TENM4: variants seen among roughly 807,000 people sequenced by gnomAD.
The protein encoded by TENM4 is teneurin-4.
TENM4 carries 82 observed loss-of-function variants against 243.3 expected under a neutral mutation model. The ratio of observed to expected loss-of-function variants is 0.34; its 90% CI spans 0.28 to 0.40. The LOEUF (loss-of-function observed/expected upper bound fraction) is 0.40, where lower values mean the gene tolerates loss of function less well. Among genes scored for constraint, TENM4 ranks in the 10% least tolerant of loss-of-function variants. TENM4 has a pLI of 1.00. For missense variants in TENM4, 3,138 were observed against 3,673.3 expected (o/e 0.85, Z 3.77); for synonymous variants, 1,412 against 1,456.3 (o/e 0.97, Z 0.69).
chr11:79,402,208 T>C (rs1239715094), intron 1 of TENM4: 6 of 198,386 alleles, frequency 3.0e-5, no homozygotes, highest in Middle Eastern at 5.1e-4. Flanking sequence ...TAGGACCTTA[T>C]TGGGGAAAAA....
chr11:79,280,782 T>C (rs371341049), intron 2 of TENM4, among the ~76,000 whole-genome samples: 5 of 152,336 alleles, frequency 3.3e-5, no homozygotes, highest in African/African-American at 1.2e-4. Flanking sequence ...GATGCTGGTC[T>C]ACCTTTCAGC....
intron 1 of TENM4, among the ~76,000 whole-genome samples, chr11:79,429,091 A>C (rs890461587): frequency 6.6e-6 from 1 of 152,188 alleles, no homozygotes; most frequent in Non-Finnish European, 1.5e-5. Flanking sequence ...CAGCTCAGAG[A>C]AACAGGTGTA....
At position 78,756,925 on chromosome 11, in the gene TENM4, A is replaced by C; in HGVS notation, c.2636T>G (p.Ile879Ser). The C allele has an allele frequency of 1.2e-6, 2 of 1,613,880 alleles. No homozygotes were observed. Among genetic ancestry groups the C allele is most frequent in the Non-Finnish European group, 1.7e-6 (2 of 1,179,874 alleles). ...CLGSPNPLDI[I>S]QETQVPVSQQ... The stretch of plus-strand genomic sequence containing the variant: ...TGACACAGGGACCTGTGTCTCCTGG[A>C]TGATGTCCAGAGGGTTAGGGGAGCC... The change falls in exon 19 of 34, where the codon ATC becomes AGC. Residue 879 changes from isoleucine to serine, a missense_variant. By Grantham distance (142) the Ile-to-Ser change is moderately radical. Around this residue, in one of 2 missense-constraint regions of TENM4, gnomAD observed 2,467 missense variants for 3,059.1 expected, o/e 0.81. Coordinates refer to ENST00000278550, the MANE Select transcript of TENM4 (RefSeq NM_001098816.3).
chr11:78,851,153 C>T (rs541170121), intron 12 of TENM4, among the ~76,000 whole-genome samples: 1 of 152,326 alleles, frequency 6.6e-6, no homozygotes, highest in East Asian at 1.9e-4. Flanking sequence ...TGGTCCACAG[C>T]AGCTTCAGTA....
chr11:79,274,115 A>G (rs1856013956), intron 2 of TENM4, among the ~76,000 whole-genome samples: 1 of 152,216 alleles, frequency 6.6e-6, no homozygotes, highest in Admixed American at 6.5e-5. Context: ...GTGGAGCAGG[A>G]GGATGTTAGG....
chr11:79,115,994 C>A (rs1861611296), intron 4 of TENM4, among the ~76,000 whole-genome samples: 1 of 152,214 alleles, frequency 6.6e-6, no homozygotes, highest in Non-Finnish European at 1.5e-5. Flanking sequence ...AGGACAATAA[C>A]TTGGCCCTTT....
chr11:78,738,640 C>A, intron 19 of TENM4, 70 bp from the exon 20 acceptor site: 1 of 1,531,290 alleles, frequency 6.5e-7, no homozygotes. Flanking sequence ...GCAGGGAACC[C>A]CGAGAGGCCA....
intron 1 of TENM4, among the ~76,000 whole-genome samples, chr11:79,329,603 T>A (rs76295841): frequency 0.012 from 1,766 of 152,212 alleles, 40 homozygotes; most frequent in African/African-American, 0.041. Flanking sequence ...TGGTCGAGGA[T>A]CGAGATAACT....
At chr11:79,039,923 T>G (rs1859475636) in intron 6 of TENM4, among the ~76,000 whole-genome samples, 1 of 152,192 alleles carries the variant, frequency 6.6e-6, no homozygotes, top group South Asian at 2.1e-4. Context: ...TTGCTAATGC[T>G]AGCTTATATT....
chr11:79,198,143 G>A (rs921421740), intron 3 of TENM4, among the ~76,000 whole-genome samples: 2 of 152,210 alleles, frequency 1.3e-5, no homozygotes, highest in Non-Finnish European at 2.9e-5. Flanking sequence ...TGATGAGGAT[G>A]ATAATTATTG....
chr11:79,027,544 G>A (rs180959736), intron 6 of TENM4, among the ~76,000 whole-genome samples: 2 of 152,214 alleles, frequency 1.3e-5, no homozygotes, highest in Non-Finnish European at 2.9e-5. Context: ...ATTCTCAGCT[G>A]CATCCTTAGT....
chr11:78,670,625 T>A, intron 31 of TENM4, 74 bp from the exon 32 acceptor site: 2 of 1,394,892 alleles, frequency 1.4e-6, no homozygotes, highest in Non-Finnish European at 2.0e-6. Flanking sequence ...ACCCGAGACT[T>A]AAAGGGACGG....
intron 6 of TENM4, among the ~76,000 whole-genome samples, chr11:79,022,321 G>A (rs1170253383): frequency 6.6e-6 from 1 of 152,182 alleles, no homozygotes; most frequent in Non-Finnish European, 1.5e-5. Context: ...ATGTGAATCT[G>A]TTTTTCATTC....
intron 1 of TENM4, among the ~76,000 whole-genome samples, chr11:79,390,794 A>G (rs942058128): frequency 1.3e-5 from 2 of 152,192 alleles, no homozygotes; most frequent in African/African-American, 4.8e-5. Flanking sequence ...CCTGCCCCAC[A>G]TGTCCTCCAC....
rs1201949515 is a variant in TENM4, at chr11:79,120,483, C to A, written c.-66+28227G>T. Among the ~76,000 whole-genome samples, 3 of 152,200 alleles carry A rather than the reference C, an allele frequency of 2.0e-5. No homozygotes were observed. In the South Asian group the frequency reaches 6.2e-4, roughly 32 times the overall value. On this transcript the variant is annotated intron_variant, in intron 4 of 33. Coordinates refer to ENST00000278550, the MANE Select transcript of TENM4 (RefSeq NM_001098816.3). ...TGGAAGGAACAACAATAATCAAAAT[C>A]AGACGTTTCTAACTAGGGACACATT...
At chr11:78,740,668 T>A (rs1455403786) in intron 19 of TENM4, among the ~76,000 whole-genome samples, 1 of 152,192 alleles carries the variant, frequency 6.6e-6, no homozygotes, top group Non-Finnish European at 1.5e-5. Flanking sequence ...TACTGACAGA[T>A]CTCATCTCCT....
chr11:78,869,156 G>A (rs1462648105), intron 9 of TENM4, among the ~76,000 whole-genome samples: 1 of 151,708 alleles, frequency 6.6e-6, no homozygotes, highest in African/African-American at 2.4e-5. Context: ...AAGCAAACTC[G>A]ATGTCTAAAA....
chr11:79,391,891 T>C (rs1050889956), intron 1 of TENM4, among the ~76,000 whole-genome samples: 1 of 152,210 alleles, frequency 6.6e-6, no homozygotes, highest in African/African-American at 2.4e-5. Flanking sequence ...TGAGCACTCC[T>C]ATTGTTCCCC....
chr11:79,010,345 T>C (rs372676649), intron 6 of TENM4, among the ~76,000 whole-genome samples: 1 of 152,108 alleles, frequency 6.6e-6, no homozygotes. Flanking sequence ...CTCTGAGGAA[T>C]ACAGAGTAAG....
Sources: gnomAD v4.1 joint callset for allele counts (sites outside exome capture counted in the v4.1 genomes callset) on GRCh38, gnomAD v4.1.1 for gene constraint, gnomAD v4.1.1 regional missense constraint, MANE v1.5 for transcripts, NCBI Gene and HGNC (gene_info 2026-07-23, HGNC 2026-07-21) for gene names.